LTA4H: variants seen among roughly 807,000 people sequenced by gnomAD.
The protein encoded by LTA4H is leukotriene A4 hydrolase.
A neutral mutation model predicts 89.8 loss-of-function variants in LTA4H; 59 were observed. The ratio of observed to expected loss-of-function variants is 0.66; its 90% CI spans 0.53 to 0.82. The LOEUF (loss-of-function observed/expected upper bound fraction) is 0.82, where lower values mean the gene tolerates loss of function less well. Among genes scored for constraint, LTA4H ranks in the 40% least tolerant of loss-of-function variants. The pLI is 0.00. For synonymous variants in LTA4H, 227 were observed against 253.1 expected, an observed-to-expected ratio of 0.90 and a Z score of 0.98; for missense variants, 617 against 727.0, an observed-to-expected ratio of 0.85 and a Z score of 1.74.
chr12:96,001,585 T>A (rs570376409), intron 18 of LTA4H, among the ~76,000 whole-genome samples: 70 of 152,256 alleles, frequency 4.6e-4, no homozygotes, highest in Non-Finnish European at 7.8e-4. Flanking sequence ...TTAAAAAAAA[T>A]TTTTTAATCA....
intron 3 of LTA4H, 112 bp from the exon 4 acceptor site, chr12:96,024,659 A>C: frequency 5.1e-6 from 3 of 590,888 alleles, no homozygotes; most frequent in Non-Finnish European, 5.8e-6. Context: ...AACAGTCCTC[A>C]TTTCTTGGGA....
intron 7 of LTA4H, 41 bp from the exon 8 acceptor site, chr12:96,018,944 CA>C: frequency 6.7e-7 from 1 of 1,482,266 alleles, no homozygotes; most frequent in South Asian, 1.3e-5. Context: ...CCTTAATTAT[CA>C]CCATTGTACA....
intron 1 of LTA4H, among the ~76,000 whole-genome samples, chr12:96,041,976 G>T (rs374628676): frequency 0.091 from 11,335 of 124,698 alleles, 540 homozygotes; most frequent in Middle Eastern, 0.18. Flanking sequence ...GTTTCTTTTT[G>T]TTTTTTTTTC....
chr12:96,008,659 G>C (rs1184261811), intron 15 of LTA4H, among the ~76,000 whole-genome samples: 3 of 152,080 alleles, frequency 2.0e-5, no homozygotes, highest in Non-Finnish European at 2.9e-5. Flanking sequence ...GCTCATGCCT[G>C]ATGCCTGTAA....
upstream of LTA4H, among the ~76,000 whole-genome samples, chr12:96,039,405 C>G (rs922562016): frequency 1.3e-5 from 2 of 152,218 alleles, no homozygotes; most frequent in African/African-American, 4.8e-5. Context: ...TACTTAATCC[C>G]TCAATCCCCT....
At chr12:96,003,814 C>T (rs1950148998) in intron 17 of LTA4H, 24 bp downstream of exon 17, 2 of 1,554,600 alleles carry the variant, frequency 1.3e-6, no homozygotes, top group African/African-American at 1.4e-5. Context: ...CTTTCTTCCA[C>T]AGAGACAAGT....
chr12:96,039,884 C>A (rs1592905967), upstream of LTA4H, among the ~76,000 whole-genome samples: 1 of 152,130 alleles, frequency 6.6e-6, no homozygotes, highest in East Asian at 1.9e-4. Flanking sequence ...CACTGTGCTA[C>A]CTAGAAAATA....
rs1339884989 is a variant in LTA4H, at chr12:96,024,534, C to T, written c.425G>A (p.Arg142Lys). 2 of 1,610,652 alleles carry T rather than the reference C, an allele frequency of 1.2e-6. No homozygotes were observed. Among genetic ancestry groups the T allele is most frequent in the Admixed American group, 1.7e-5 (1 of 59,980 alleles). ...LFSQCQAIHC[R>K]AILPCQDTPS... The stretch of plus-strand genomic sequence containing the variant: ...AGTGTCCTGACAAGGAAGGATTGCT[C>T]TGCAGTGGATGGCCTGAAAAAGGGA... The change falls in exon 4 of 19, where the codon AGA becomes AAA. Residue 142 changes from arginine to lysine, a missense_variant. Coordinates refer to ENST00000228740, the MANE Select transcript of LTA4H (RefSeq NM_000895.3).
upstream of LTA4H, among the ~76,000 whole-genome samples, chr12:96,036,666 G>A (rs1312743531): frequency 1.3e-5 from 2 of 152,186 alleles, no homozygotes; most frequent in Non-Finnish European, 2.9e-5. Flanking sequence ...CAGATTGAGA[G>A]GAGACGAAGG....
rs768098500 is a variant in LTA4H at position 96,018,762 on chromosome 12, C to T, written c.852+1G>A. ...TCAAATGAAGAAACATTTACACTTA[C>T]CAGTAGAGTAGGAGTTACAAAAGTA... On this transcript the variant is annotated splice_donor_variant, in intron 8 of 18. Coordinates refer to ENST00000228740, the MANE Select transcript of LTA4H (RefSeq NM_000895.3). LOFTEE classifies it high-confidence loss of function. The T allele has an allele frequency of 6.4e-7, 1 of 1,560,076 alleles. No individual in the cohort carries two copies. The highest frequency in any genetic ancestry group is 2.3e-5 in the East Asian group (1 of 44,156).
chr12:96,036,062 G>T (rs980314176), upstream of LTA4H, among the ~76,000 whole-genome samples: 2 of 152,182 alleles, frequency 1.3e-5, no homozygotes, highest in Non-Finnish European at 2.9e-5. Context: ...CTGTCACGCG[G>T]GAGACCGGGG....
In LTA4H at chr12:96,014,955, A is replaced by C. The variant is rs1251980805; in HGVS notation, c.1104T>G (p.Val368=). The change falls in exon 12 of 19, where the codon GTT becomes GTG. Residue 368 remains valine, a synonymous_variant. Transcript: ENST00000228740. Reference sequence around the variant, plus strand: ...CATCAGGGTCTATATCTGTCAGATCAACCACAAGTTTGGTGAAAGGATGTG... The same window carrying C: ...CATCAGGGTCTATATCTGTCAGATCCACCACAAGTTTGGTGAAAGGATGTG... ...GETHPFTKLV[V]DLTDIDPDVA... 1 of 1,613,496 alleles carries C rather than the reference A, an allele frequency of 6.2e-7. No individual in the cohort carries two copies. The highest frequency in any genetic ancestry group is 1.1e-5 in the South Asian group (1 of 90,850).
chr12:96,013,350 G>T, intron 13 of LTA4H, 92 bp from the exon 14 acceptor site: 1 of 721,974 alleles, frequency 1.4e-6, no homozygotes, highest in East Asian at 2.7e-5. Context: ...ATATAATTTT[G>T]TCTAATCTGC....
chr12:96,043,404 G>A, exon 1 of LTA4H: 1 of 1,414,336 alleles, frequency 7.1e-7, no homozygotes, highest in Non-Finnish European at 9.6e-7. Context: ...GGTGTAGACA[G>A]GAGGAGAGAA....
At chr12:96,013,050 A>AG (rs1566006735) in intron 14 of LTA4H, 138 bp downstream of exon 14, 1 of 616,964 alleles carries the variant, frequency 1.6e-6, no homozygotes, top group Non-Finnish European at 2.9e-6. Context: ...CTCAGGGTTA[A>AG]GGCCAAAACA....
At position 96,003,882 on chromosome 12, in the gene LTA4H, C is replaced by G; in HGVS notation, c.1569G>C (p.Glu523Asp). The stretch of plus-strand genomic sequence containing the variant: ...TGTTAATGGCATTGAAGTTGTACAC[C>G]TCTTGCATTCGCTTTATGTGCCCCA... ...LPLGHIKRMQ[E>D]VYNFNAINNS... is the part of the protein sequence containing the mutation. The change falls in exon 17 of 19, where the codon GAG (glutamate) becomes GAC (aspartate). Residue 523 changes from glutamate (E) to aspartate (D), a missense_variant. Physicochemically the swap from Glu to Asp is conservative, Grantham distance 45. Transcript: ENST00000228740. 6.2e-7 allele frequency: 1 copy of G among 1,609,870 alleles called. No homozygotes were observed. Among genetic ancestry groups the G allele is most frequent in the Admixed American group, 1.7e-5 (1 of 59,580 alleles).
chr12:96,009,214 T>C (rs962773030), intron 14 of LTA4H, 66 bp from the exon 15 acceptor site: 4 of 1,017,474 alleles, frequency 3.9e-6, no homozygotes, highest in Non-Finnish European at 6.1e-6. Context: ...GTTTTAAAGC[T>C]ACAGTACATA....
At chr12:96,001,834 T>C (rs1010922677) in intron 18 of LTA4H, among the ~76,000 whole-genome samples, 9 of 152,094 alleles carry the variant, frequency 5.9e-5, no homozygotes, top group African/African-American at 2.2e-4. Flanking sequence ...ACAAAAGGTA[T>C]ACTCTTATTT....
intron 11 of LTA4H, 35 bp from the exon 12 acceptor site, chr12:96,015,034 G>C: frequency 6.3e-7 from 1 of 1,597,148 alleles, no homozygotes; most frequent in Non-Finnish European, 8.5e-7. Flanking sequence ...GAAACATATA[G>C]AAAGACTGCT....
Sources: gnomAD v4.1 joint callset for allele counts (sites outside exome capture counted in the v4.1 genomes callset) on GRCh38, gnomAD v4.1.1 for gene constraint, MANE v1.5 for transcripts, NCBI Gene and HGNC (gene_info 2026-07-23, HGNC 2026-07-21) for gene names.